Variants in MAN1A2 observed in about 807,000 individuals in gnomAD.
The protein encoded by MAN1A2 is mannosyl-oligosaccharide 1,2-alpha-mannosidase IB.
MAN1A2 carries 26 observed loss-of-function variants against 75.7 expected under a neutral mutation model. The observed-to-expected ratio is 0.34, with a 90% confidence interval of 0.25 to 0.48. MAN1A2 has a LOEUF of 0.48. Ranked by LOEUF, MAN1A2 falls within the 20% of genes least tolerant of loss-of-function variation. The probability of loss-of-function intolerance (pLI) is 0.99; values close to 1 mark genes in which losing one functional copy is unlikely to be tolerated. For synonymous variants in MAN1A2, 247 were observed against 264.6 expected, an observed-to-expected ratio of 0.93 and a Z score of 0.65; for missense variants, 562 against 775.5, an observed-to-expected ratio of 0.72 and a Z score of 3.27.
intron 12 of MAN1A2, among the ~76,000 whole-genome samples, chr1:117,517,982 A>G (rs1314998309): frequency 6.6e-6 from 1 of 152,082 alleles, no homozygotes; most frequent in Non-Finnish European, 1.5e-5. Context: ...GGAATTTTAA[A>G]CCATCTGATA....
chr1:117,475,581 T>C (rs904680121), intron 8 of MAN1A2, among the ~76,000 whole-genome samples: 3 of 152,066 alleles, frequency 2.0e-5, no homozygotes, highest in African/African-American at 4.8e-5. Context: ...GTTCTCATTT[T>C]TCAACTCCCA....
chr1:117,512,658 T>C (rs984795913), intron 12 of MAN1A2, among the ~76,000 whole-genome samples: 3 of 151,812 alleles, frequency 2.0e-5, no homozygotes, highest in African/African-American at 7.3e-5. Context: ...TCTCTTCAAA[T>C]AGGTATACTG....
rs187640239 is a variant in MAN1A2, at chr1:117,514,131, G to A, written c.1794-8694G>A. On this transcript the variant is annotated intron_variant, in intron 12 of 12. Transcript: ENST00000356554. Reference sequence around the variant, plus strand: ...TAATCCCAGCACTTTGGGAGGCCAAGGCGGGTGGATCACCTGAGTTCAGGA... The same window carrying A: ...TAATCCCAGCACTTTGGGAGGCCAAAGCGGGTGGATCACCTGAGTTCAGGA... Among the ~76,000 whole-genome samples, 51 of 152,300 alleles carry A rather than the reference G, an allele frequency of 3.3e-4. No homozygotes were observed. The East Asian group carries it at 9.3e-3, about 28-fold the overall frequency.
rs188163451 is a variant in MAN1A2, at chr1:117,425,294, C to T, written c.855+4645C>T. Among the ~76,000 whole-genome samples the T allele has an allele frequency of 6.6e-5, 10 of 152,104 alleles. 1 individual carries two copies. The highest frequency in any genetic ancestry group is 3.9e-4 in the Admixed American group (6 of 15,266). On this transcript the variant is annotated intron_variant, in intron 5 of 12. Transcript: ENST00000356554. The stretch of plus-strand genomic sequence containing the variant: ...GCAAATTCTACCAAATATTTAATAT[C>T]GATTATATGTAAATTTCTCCAGAAA...
rs186607934 is a variant in MAN1A2, at chr1:117,475,010, A to T, written c.1168+8583A>T. On this transcript the variant is annotated intron_variant, in intron 8 of 12. Coordinates refer to ENST00000356554, the MANE Select transcript of MAN1A2 (RefSeq NM_006699.5). ...ATTTTGAGATTGATCTATGTTGTGT[A>T]TATCAGTAGTTCTGAGTGGAATTCC... is the stretch of plus-strand genomic sequence containing the variant. Among the ~76,000 whole-genome samples the T allele has an allele frequency of 2.5e-3, 376 of 152,060 alleles. 1 individual carries two copies. Among genetic ancestry groups the T allele is most frequent in the Non-Finnish European group, 3.1e-3 (211 of 67,952 alleles).
intron 9 of MAN1A2, chr1:117,493,838 A>G (rs1650961551): frequency 6.6e-6 from 1 of 151,978 alleles, no homozygotes; most frequent in South Asian, 2.1e-4. Context: ...AATTGATTTT[A>G]TTTACTTTTA....
At chr1:117,374,472 AC>A (rs1379328856) in intron 1 of MAN1A2, among the ~76,000 whole-genome samples, 2 of 152,180 alleles carry the variant, frequency 1.3e-5, no homozygotes, top group African/African-American at 4.8e-5. Flanking sequence ...TGAAGTCTGC[AC>A]TGGAGTTTTA....
chr1:117,415,026 T>A (rs558476225), intron 4 of MAN1A2, among the ~76,000 whole-genome samples, 195 bp downstream of exon 4: 86 of 150,430 alleles, frequency 5.7e-4, no homozygotes, highest in East Asian at 1.1e-3. Flanking sequence ...ATGGAAAAAA[T>A]ATATATATAT....
intron 1 of MAN1A2, among the ~76,000 whole-genome samples, chr1:117,387,119 A>G (rs1352529519): frequency 6.6e-6 from 1 of 152,088 alleles, no homozygotes; most frequent in Non-Finnish European, 1.5e-5. Context: ...AATAGCCAAT[A>G]AACACATGAA....
At chr1:117,431,854 G>GTCTC (rs1648680880) in intron 5 of MAN1A2, among the ~76,000 whole-genome samples, 1 of 152,164 alleles carries the variant, frequency 6.6e-6, no homozygotes, top group East Asian at 1.9e-4. Flanking sequence ...GGATGCTGAG[G>GTCTC]TGAGAGGATT....
intron 3 of MAN1A2, among the ~76,000 whole-genome samples, chr1:117,409,022 T>C (rs925698830): frequency 1.3e-5 from 2 of 152,118 alleles, no homozygotes; most frequent in Non-Finnish European, 2.9e-5. Context: ...TTATGTTTTG[T>C]CTCCTCTCTT....
chr1:117,393,274 G>A (rs1653791548), intron 1 of MAN1A2, among the ~76,000 whole-genome samples: 1 of 152,080 alleles, frequency 6.6e-6, no homozygotes, highest in Admixed American at 6.6e-5. Context: ...CCAGGTTTAA[G>A]GAGATCTTTT....
intron 8 of MAN1A2, among the ~76,000 whole-genome samples, chr1:117,467,669 C>A (rs1650022921): frequency 6.6e-6 from 1 of 152,014 alleles, no homozygotes; most frequent in Non-Finnish European, 1.5e-5. Context: ...AGCTGCATTT[C>A]TAAAATGTAA....
chr1:117,457,868 C>G lies in MAN1A2; in HGVS notation c.951-2621C>G, dbSNP rs569265244. Among the ~76,000 whole-genome samples the G allele has an allele frequency of 2.6e-5, 4 of 152,252 alleles. No individual in the cohort carries two copies. In the South Asian group the frequency reaches 8.3e-4, roughly 32 times the overall value. On this transcript the variant is annotated intron_variant, in intron 6 of 12. Coordinates refer to ENST00000356554, the MANE Select transcript of MAN1A2 (RefSeq NM_006699.5). ...TTATACCTTGCTTTCTAACCTCATC[C>G]TGTGTCATTCACTTCCCCTTACTTT... is the stretch of plus-strand genomic sequence containing the variant.
At chr1:117,432,680 T>C (rs1348152075) in intron 5 of MAN1A2, among the ~76,000 whole-genome samples, 1 of 152,058 alleles carries the variant, frequency 6.6e-6, no homozygotes, top group Non-Finnish European at 1.5e-5. Context: ...TTATATCAAA[T>C]AAGAAAGAAA....
At chr1:117,456,499 T>G (rs185196857) in intron 6 of MAN1A2, among the ~76,000 whole-genome samples, 2 of 152,164 alleles carry the variant, frequency 1.3e-5, no homozygotes, top group African/African-American at 4.8e-5. Flanking sequence ...ATAAACCTAT[T>G]TTCTAAAATG....
chr1:117,522,970 A>G lies in MAN1A2; in HGVS notation c.*13A>G. 6.2e-7 allele frequency: 1 copy of G among 1,609,918 alleles called. No individual in the cohort carries two copies. Among genetic ancestry groups the G allele is most frequent in the Non-Finnish European group, 8.5e-7 (1 of 1,178,120 alleles). On this transcript the variant is annotated 3_prime_UTR_variant, in exon 13 of 13. Coordinates refer to ENST00000356554, the MANE Select transcript of MAN1A2 (RefSeq NM_006699.5). ...TGCTGTTCGATGAAAGCAGTTCCAGAAGGACCATTCTCACCTGTGTTTTGT... is the reference window on the plus strand; with the variant it reads ...TGCTGTTCGATGAAAGCAGTTCCAGGAGGACCATTCTCACCTGTGTTTTGT...
chr1:117,508,172 C>T (rs1303127174), intron 12 of MAN1A2, among the ~76,000 whole-genome samples: 1 of 151,672 alleles, frequency 6.6e-6, no homozygotes, highest in East Asian at 1.9e-4. Context: ...TTTCATTGCA[C>T]CTTACCTCAA....
chr1:117,454,204 C>G (rs1649509681), intron 6 of MAN1A2, among the ~76,000 whole-genome samples: 1 of 151,980 alleles, frequency 6.6e-6, no homozygotes, highest in Admixed American at 6.6e-5. Context: ...GTAACCAGGC[C>G]CATAATATCT....
Sources: allele counts gnomAD v4.1 joint callset (sites outside exome capture counted in the v4.1 genomes callset), GRCh38; gene constraint gnomAD v4.1.1; transcripts MANE v1.5; gene names NCBI Gene and HGNC (gene_info 2026-07-23, HGNC 2026-07-21).